CUX2: variants seen among roughly 807,000 people sequenced by gnomAD.
CUX2 encodes the protein homeobox protein cut-like 2.
In CUX2, 40 loss-of-function variants were observed where a neutral mutation model predicts 144.8. The ratio of observed to expected loss-of-function variants is 0.28; its 90% CI spans 0.21 to 0.36. CUX2 has a LOEUF of 0.36. Among genes scored for constraint, CUX2 ranks in the 10% least tolerant of loss-of-function variants. The probability of loss-of-function intolerance (pLI) is 1.00; values close to 1 mark genes in which losing one functional copy is unlikely to be tolerated. For missense variants in CUX2, 1,615 were observed against 1,994.0 expected, an observed-to-expected ratio of 0.81 and a Z score of 3.62; for synonymous variants, 827 against 875.6, an observed-to-expected ratio of 0.94 and a Z score of 0.98.
At position 111,320,577 on chromosome 12, in the gene CUX2, C is replaced by T. The variant is rs773213139; in HGVS notation, c.2568C>T (p.Gly856=). ...PPRTGELKAE[G]ATAEAGARLP... Reference sequence around the variant, plus strand: ...GGACGGGCGAGCTCAAGGCTGAGGGCGCGACGGCCGAGGCGGGCGCGCGGC... The same window carrying T: ...GGACGGGCGAGCTCAAGGCTGAGGGTGCGACGGCCGAGGCGGGCGCGCGGC... Residue 856 remains glycine (G), a synonymous_variant, in exon 17 of 22, where the codon GGC becomes GGT. Coordinates refer to ENST00000261726, the MANE Select transcript of CUX2 (RefSeq NM_015267.4). The surrounding 1 kb of genome is among the most constrained non-coding windows in gnomAD (Gnocchi z 8.1). 3.3e-6 allele frequency: 5 copies of T among 1,526,742 alleles called. No homozygotes were observed. Among genetic ancestry groups the T allele is most frequent in the South Asian group, 1.2e-5 (1 of 82,450 alleles). The allele number at this position is 1,526,742 out of a possible 1,614,324, so 94.6% of individuals were successfully genotyped here.
intron 4 of CUX2, among the ~76,000 whole-genome samples, chr12:111,283,227 A>AC (rs944616184): frequency 6.6e-6 from 1 of 151,766 alleles, no homozygotes; most frequent in African/African-American, 2.4e-5. Flanking sequence ...TTAAAAAAAA[A>AC]AAACCTATCC....
intron 1 of CUX2, among the ~76,000 whole-genome samples, chr12:111,187,563 C>T (rs1033787954): frequency 6.6e-6 from 1 of 152,190 alleles, no homozygotes; most frequent in African/African-American, 2.4e-5. Flanking sequence ...AGGTTGGAGA[C>T]CTGGCTGGGG....
At chr12:111,314,639 TAAAAAAAAAAAAAAAAAA>T (rs954472479) in intron 16 of CUX2, among the ~76,000 whole-genome samples, 6 of 23,234 alleles carry the variant, frequency 2.6e-4, no homozygotes, top group Non-Finnish European at 4.8e-4. Flanking sequence ...AAACTCAGTC[TAAAAAAAAAAAAAAAAAA>T]AAAAAAAAAA....
At chr12:111,043,241 C>T (rs1205033367) in intron 1 of CUX2, among the ~76,000 whole-genome samples, 1 of 152,030 alleles carries the variant, frequency 6.6e-6, no homozygotes, top group Non-Finnish European at 1.5e-5. Context: ...GATTCCGAGA[C>T]AGTATATGGC....
intron 3 of CUX2, among the ~76,000 whole-genome samples, chr12:111,259,491 A>G (rs1044228800): frequency 6.6e-6 from 1 of 152,222 alleles, no homozygotes; most frequent in African/African-American, 2.4e-5. Flanking sequence ...CCATTGATCC[A>G]TGAGATCAAC....
intron 4 of CUX2, among the ~76,000 whole-genome samples, chr12:111,266,052 T>A (rs757844684): frequency 6.6e-6 from 1 of 152,264 alleles, no homozygotes. Context: ...CCTCCAAAAT[T>A]TATGTCTACG....
intron 1 of CUX2, among the ~76,000 whole-genome samples, chr12:111,124,087 A>G (rs142784749): frequency 3.7e-4 from 56 of 152,290 alleles, no homozygotes; most frequent in African/African-American, 1.3e-3. Flanking sequence ...ACCACTATCT[A>G]GGTCCCAAAC....
chr12:111,237,690 G>T (rs1056785143), intron 3 of CUX2, among the ~76,000 whole-genome samples: 1 of 152,100 alleles, frequency 6.6e-6, no homozygotes, highest in East Asian at 1.9e-4. Flanking sequence ...CCAGACCTCC[G>T]GCCACCACCT....
intron 1 of CUX2, among the ~76,000 whole-genome samples, chr12:111,176,340 G>A (rs1878856161): frequency 1.3e-5 from 2 of 152,052 alleles, no homozygotes; most frequent in Non-Finnish European, 2.9e-5. Context: ...GAGCCACCAT[G>A]CCCAGTGTGA....
At chr12:111,094,298 C>G (rs892540570) in intron 1 of CUX2, among the ~76,000 whole-genome samples, 1 of 152,328 alleles carries the variant, frequency 6.6e-6, no homozygotes, top group African/African-American at 2.4e-5. Context: ...GTGTGAGCAG[C>G]CCTGGCCACC....
rs571756578 is a variant in CUX2 at position 111,308,165 on chromosome 12, G to A, written c.1110-120G>A. On this transcript the variant is annotated intron_variant, in intron 12 of 21. Coordinates refer to ENST00000261726, the MANE Select transcript of CUX2 (RefSeq NM_015267.4). ...GGTTGCAATGACTCTGGAATTAATG[G>A]GGTTCTGGGGAATGGAGCAGTCATT... is the stretch of plus-strand genomic sequence containing the variant. The A allele has an allele frequency of 3.7e-6, 4 of 1,075,738 alleles. No homozygotes were observed. In the East Asian group the frequency reaches 7.1e-5, roughly 19 times the overall value. 66.6% of individuals were successfully genotyped at this position (1,075,738 alleles called of 1,614,324 possible). A position where few individuals can be genotyped will look rare whatever the true frequency, so the allele number is the denominator to read the frequency against.
intron 1 of CUX2, among the ~76,000 whole-genome samples, chr12:111,095,961 A>G (rs1872790850): frequency 3.3e-5 from 5 of 152,132 alleles, no homozygotes; most frequent in Admixed American, 3.3e-4. Context: ...TCCGTGCAGG[A>G]GCAGTGAGCT....
At chr12:111,227,330 G>A (rs1238316532) in intron 3 of CUX2, among the ~76,000 whole-genome samples, 1 of 152,098 alleles carries the variant, frequency 6.6e-6, no homozygotes, top group East Asian at 1.9e-4. Flanking sequence ...GCCTAGAGTC[G>A]CCTGGAGCTG....
chr12:111,338,205 T>C, intron 19 of CUX2, 81 bp from the exon 20 acceptor site: 1 of 1,420,748 alleles, frequency 7.0e-7, no homozygotes, highest in Non-Finnish European at 9.5e-7. Context: ...CCTGTGTCTC[T>C]GGCCTATTCC....
chr12:111,324,110 G>A lies in CUX2; in HGVS notation c.2926+1530G>A, dbSNP rs187949640. 3.9e-5 allele frequency among the ~76,000 whole-genome samples: 6 copies of A among 152,152 alleles called. No individual in the cohort carries two copies. The East Asian group carries it at 1.2e-3, about 29-fold the overall frequency. On this transcript the variant is annotated intron_variant, in intron 18 of 21. Coordinates refer to ENST00000261726, the MANE Select transcript of CUX2 (RefSeq NM_015267.4). ...TCACACCTGTAATCCCAGCACTTTGGGAGGCCAAGGCGGGCGGATCACAAA... is the reference window on the plus strand; with the variant it reads ...TCACACCTGTAATCCCAGCACTTTGAGAGGCCAAGGCGGGCGGATCACAAA...
In CUX2 at chr12:111,230,460, C is replaced by T. The variant is rs144608668; in HGVS notation, c.222+12523C>T. Among the ~76,000 whole-genome samples the T allele has an allele frequency of 2.4e-4, 37 of 152,300 alleles. 1 individual carries two copies. The East Asian group carries it at 7.1e-3, about 29-fold the overall frequency. The stretch of plus-strand genomic sequence containing the variant: ...ACCTCCATGTCCCAGACCTCTAAAA[C>T]CAAGATCTGCAGTTTAACAAGGTCC... On this transcript the variant is annotated intron_variant, in intron 3 of 21. Transcript: ENST00000261726.
chr12:111,069,564 G>T (rs181000577), intron 1 of CUX2, among the ~76,000 whole-genome samples: 1 of 151,872 alleles, frequency 6.6e-6, no homozygotes, highest in African/African-American at 2.4e-5. Flanking sequence ...GCGCGCGTGT[G>T]TGTGTGTTAT....
intron 1 of CUX2, among the ~76,000 whole-genome samples, chr12:111,060,093 G>A (rs577854430): frequency 3.2e-4 from 48 of 152,158 alleles, no homozygotes; most frequent in African/African-American, 1.1e-3. Flanking sequence ...TATTGAAACC[G>A]AATCATGACC....
intron 1 of CUX2, among the ~76,000 whole-genome samples, chr12:111,191,347 T>C (rs1879870817): frequency 7.1e-6 from 1 of 141,126 alleles, no homozygotes; most frequent in Non-Finnish European, 1.5e-5. Flanking sequence ...ATTTATTTAT[T>C]TTGAGACAGA....
Sources: gnomAD v4.1 joint callset for allele counts (sites outside exome capture counted in the v4.1 genomes callset) on GRCh38, gnomAD v4.1.1 for gene constraint, Gnocchi (gnomAD v3.1) non-coding constraint, MANE v1.5 for transcripts, NCBI Gene and HGNC (gene_info 2026-07-23, HGNC 2026-07-21) for gene names.